Variants in GPR158 observed in about 807,000 individuals in gnomAD.
GPR158 encodes G protein-coupled receptor 158, also known as metabotropic glycine receptor.
In GPR158, 30 loss-of-function variants were observed where a neutral mutation model predicts 78.2. The ratio of observed to expected loss-of-function variants is 0.38; its 90% CI spans 0.29 to 0.52. The LOEUF is 0.52. Among genes scored for constraint, GPR158 ranks in the 20% least tolerant of loss-of-function variants. The pLI, the probability that GPR158 is intolerant of heterozygous loss-of-function variation, is 0.83. For missense variants in GPR158, 1,463 were observed against 1,523.5 expected, an observed-to-expected ratio of 0.96 and a Z score of 0.66; for synonymous variants, 581 against 591.1, an observed-to-expected ratio of 0.98 and a Z score of 0.25.
rs368476694 is a variant in GPR158 at position 25,230,907 on chromosome 10, C to T, written c.1008+9750C>T. Among the ~76,000 whole-genome samples the T allele has an allele frequency of 7.2e-5, 11 of 152,152 alleles. No individual in the cohort carries two copies. The East Asian group carries it at 2.1e-3, about 29-fold the overall frequency. On this transcript the variant is annotated intron_variant, in intron 2 of 10. Transcript: ENST00000376351. ...TACCACATGACAATTTTGTGGAGCT[C>T]GTTAAAACTGCATGCGATATTGGCT...
At position 25,348,396 on chromosome 10, in the gene GPR158, G is replaced by GACACACACAC. The variant is rs34088676; in HGVS notation, c.1009-47484_1009-47475dup. 1.8e-3 allele frequency among the ~76,000 whole-genome samples: 262 copies of GACACACACAC among 141,784 alleles called. 1 individual carries two copies. The highest frequency in any genetic ancestry group is 7.1e-3 in the Middle Eastern group (2 of 280). The allele number at this position is 141,784 out of a possible 152,430, so 93.0% of individuals were successfully genotyped here. A position where few individuals can be genotyped will look rare whatever the true frequency, so the allele number is the denominator to read the frequency against. Reference sequence around the variant, plus strand: ...CCAGAAATGAAATTTTAGGAAGAAAGACACACACACACACACACACACACA... The same window carrying GACACACACAC: ...CCAGAAATGAAATTTTAGGAAGAAAGACACACACACACACACACACACACACACACACACA... On this transcript the variant is annotated intron_variant, in intron 2 of 10. Transcript: ENST00000376351.
chr10:25,502,520 C>G (rs955111110), intron 5 of GPR158, among the ~76,000 whole-genome samples: 1 of 152,160 alleles, frequency 6.6e-6, no homozygotes, highest in African/African-American at 2.4e-5. Context: ...GTCCTCCAAA[C>G]ACTGAAAATA....
At chr10:25,386,994 A>T (rs1773614) in intron 2 of GPR158, among the ~76,000 whole-genome samples, 98,014 of 151,944 alleles carry the variant, frequency 0.65, 32,589 homozygotes, top group Non-Finnish European at 0.73. Context: ...TGTTCTGGCA[A>T]GGACTTACAG....
intron 2 of GPR158, 137 bp downstream of exon 2, chr10:25,221,294 C>G (rs146734064): frequency 1.6e-4 from 83 of 510,730 alleles, no homozygotes; most frequent in African/African-American, 1.4e-3. Flanking sequence ...GCCAAATGAA[C>G]TAAAATAGGA....
chr10:25,311,623 C>T (rs960417320), intron 2 of GPR158, among the ~76,000 whole-genome samples: 8 of 151,890 alleles, frequency 5.3e-5, no homozygotes, highest in African/African-American at 1.9e-4. Context: ...TTTTTCTATT[C>T]TAATGCTCGA....
Position 25,415,317 on chromosome 10 carries a change from A to G in GPR158, c.1335+2844A>G, listed in dbSNP as rs575526181. On this transcript the variant is annotated intron_variant, in intron 4 of 10. Coordinates refer to ENST00000376351, the MANE Select transcript of GPR158 (RefSeq NM_020752.3). Reference sequence around the variant, plus strand: ...TATATAAAGGACACATAACTAATCAATAAAAAGATAAGTAAAACCAATTTA... The same window carrying G: ...TATATAAAGGACACATAACTAATCAGTAAAAAGATAAGTAAAACCAATTTA... Among the ~76,000 whole-genome samples the G allele has an allele frequency of 6.6e-4, 101 of 152,248 alleles. 1 individual carries two copies. The highest frequency in any genetic ancestry group is 3.7e-3 in the South Asian group (18 of 4,830).
At chr10:25,404,497 TGA>T (rs1255100235) in intron 3 of GPR158, among the ~76,000 whole-genome samples, 1 of 151,976 alleles carries the variant, frequency 6.6e-6, no homozygotes, top group Non-Finnish European at 1.5e-5. Flanking sequence ...AGAATCGTTT[TGA>T]GTTACATTCA....
intron 8 of GPR158, among the ~76,000 whole-genome samples, chr10:25,590,659 C>T (rs1206713702): frequency 2.6e-5 from 4 of 152,094 alleles, no homozygotes; most frequent in Non-Finnish European, 4.4e-5. Context: ...GTTAACAAAT[C>T]GACTAACAAA....
At chr10:25,188,660 G>C (rs1243785164) in intron 1 of GPR158, among the ~76,000 whole-genome samples, 1 of 152,136 alleles carries the variant, frequency 6.6e-6, no homozygotes, top group African/African-American at 2.4e-5. Context: ...TTAAACGTTA[G>C]ACCTAAAACC....
At chr10:25,323,556 T>A (rs1854986438) in intron 2 of GPR158, among the ~76,000 whole-genome samples, 1 of 151,954 alleles carries the variant, frequency 6.6e-6, no homozygotes, top group Non-Finnish European at 1.5e-5. Context: ...AAACATGGTC[T>A]TGCTCTATTA....
chr10:25,406,620 A>G (rs796694999), intron 3 of GPR158, among the ~76,000 whole-genome samples: 37 of 152,332 alleles, frequency 2.4e-4, no homozygotes, highest in African/African-American at 8.2e-4. Context: ...AAGAAAACAA[A>G]TAAATTTAAT....
chr10:25,210,229 T>TA (rs1216418202), intron 1 of GPR158, among the ~76,000 whole-genome samples: 3 of 152,224 alleles, frequency 2.0e-5, no homozygotes, highest in Non-Finnish European at 2.9e-5. Context: ...AAATAGTTGT[T>TA]AGATACCTCA....
chr10:25,321,678 CTG>C lies in GPR158; in HGVS notation c.1009-74232_1009-74231del, dbSNP rs1644336083. Among the ~76,000 whole-genome samples the C allele has an allele frequency of 2.1e-5, 3 of 146,270 alleles. 1 individual carries two copies. The South Asian group carries it at 6.6e-4, about 32-fold the overall frequency. Reference sequence around the variant, plus strand: ...ACAAACAAACAAACAAACAAACAAACTGAATAGACCAGCAGGCAAAGAGATGC... The same window carrying C: ...ACAAACAAACAAACAAACAAACAAACAATAGACCAGCAGGCAAAGAGATGC... On this transcript the variant is annotated intron_variant, in intron 2 of 10. Transcript: ENST00000376351.
intron 4 of GPR158, among the ~76,000 whole-genome samples, chr10:25,436,177 A>G (rs917300481): frequency 6.6e-6 from 1 of 152,262 alleles, no homozygotes; most frequent in Non-Finnish European, 1.5e-5. Context: ...ATGTTATAGC[A>G]TAAGTGTGTG....
Position 25,597,755 on chromosome 10 carries a change from T to C in GPR158, c.2146-17T>C. 6.7e-7 allele frequency: 1 copy of C among 1,490,674 alleles called. No individual in the cohort carries two copies. The highest frequency in any genetic ancestry group is 2.3e-5 in the East Asian group (1 of 43,602). 92.3% of individuals were successfully genotyped at this position (1,490,674 alleles called of 1,614,324 possible). A position where few individuals can be genotyped will look rare whatever the true frequency, so the allele number is the denominator to read the frequency against. ...ACTAAATTCTACACTTCTTTGAATT[T>C]GCTTTTGTTCTGGCAGGACGAGCTG... On this transcript the variant is annotated splice_polypyrimidine_tract_variant and intron_variant, in intron 10 of 10. Transcript: ENST00000376351.
chr10:25,225,177 A>G (rs529314776), intron 2 of GPR158, among the ~76,000 whole-genome samples: 18 of 129,904 alleles, frequency 1.4e-4, no homozygotes, highest in East Asian at 1.1e-3. Flanking sequence ...GATTTGGAAC[A>G]TTTGCCTTTT....
chr10:25,333,569 T>C lies in GPR158; in HGVS notation c.1009-62342T>C, dbSNP rs1182621875. 2.0e-5 allele frequency among the ~76,000 whole-genome samples: 3 copies of C among 152,242 alleles called. No homozygotes were observed. In the South Asian group the frequency reaches 6.2e-4, roughly 32 times the overall value. On this transcript the variant is annotated intron_variant, in intron 2 of 10. Coordinates refer to ENST00000376351, the MANE Select transcript of GPR158 (RefSeq NM_020752.3). ...AGACGTTAGTACTGTAATGACGCAC[T>C]TGTCCCACTGTAACTAAGTAGCTGG...
At chr10:25,419,017 TATG>T (rs1464795960) in intron 4 of GPR158, among the ~76,000 whole-genome samples, 16 of 152,014 alleles carry the variant, frequency 1.1e-4, no homozygotes, top group Non-Finnish European at 1.9e-4. Context: ...ATATGTTAAT[TATG>T]ATGTTCTAAT....
intron 2 of GPR158, among the ~76,000 whole-genome samples, chr10:25,331,498 G>A (rs1013253768): frequency 1.3e-5 from 2 of 152,162 alleles, no homozygotes; most frequent in Non-Finnish European, 2.9e-5. Flanking sequence ...TATGATTAGA[G>A]GTGAAGATGA....
Sources: allele counts gnomAD v4.1 joint callset (sites outside exome capture counted in the v4.1 genomes callset), GRCh38; gene constraint gnomAD v4.1.1; transcripts MANE v1.5; gene names NCBI Gene and HGNC (gene_info 2026-07-23, HGNC 2026-07-21).